Variants in RNF128 observed in about 807,000 individuals in gnomAD.
RNF128 encodes E3 ubiquitin-protein ligase RNF128.
Under a neutral mutation model 26.2 loss-of-function variants are expected in RNF128, and 13 were observed. The observed-to-expected ratio is 0.50, with a 90% CI of 0.32 to 0.79. RNF128 has a LOEUF of 0.79. Among genes scored for constraint, RNF128 ranks in the 30% least tolerant of loss-of-function variants. The pLI is 0.03. For synonymous variants in RNF128, 149 were observed against 142.5 expected (o/e 1.05, Z -0.32); for missense variants, 315 against 349.7 (o/e 0.90, Z 0.79).
chrX:106,765,203 G>C (rs1196899748), intron 1 of RNF128, among the ~76,000 whole-genome samples: 1 of 111,925 alleles, frequency 8.9e-6, no homozygotes, highest in East Asian at 2.8e-4. Context: ...TGTAAAAATA[G>C]TGTCTTTTGG....
chrX:106,694,364 A>G (rs1569433176), exon 1 of RNF128: 8 of 1,206,129 alleles, frequency 6.6e-6, no homozygotes, highest in Middle Eastern at 4.6e-4. Context: ...GTGATTTACA[A>G]TGCTCCAGAG....
chrX:106,765,822 TA>T (rs1292741794), intron 1 of RNF128, among the ~76,000 whole-genome samples: 5 of 110,952 alleles, frequency 4.5e-5, no homozygotes, highest in African/African-American at 1.3e-4. Context: ...ACCCATTAAC[TA>T]ACTCGTCATT....
intron 1 of RNF128, among the ~76,000 whole-genome samples, chrX:106,710,430 C>T (rs971220301): frequency 3.6e-5 from 4 of 111,992 alleles, no homozygotes; most frequent in Non-Finnish European, 3.8e-5. Flanking sequence ...TTCAATTTGA[C>T]AAAATTAAAA....
chrX:106,781,505 G>A (rs1039531792), intron 2 of RNF128, among the ~76,000 whole-genome samples: 10 of 110,817 alleles, frequency 9.0e-5, no homozygotes, highest in Non-Finnish European at 1.3e-4. Context: ...TTAAGAGGGA[G>A]GCTTGCATCT....
chrX:106,772,523 C>A (rs1473396041), intron 1 of RNF128, among the ~76,000 whole-genome samples: 1 of 111,166 alleles, frequency 9.0e-6, no homozygotes, highest in Admixed American at 9.6e-5. Flanking sequence ...TCTGTATTCC[C>A]CAAATCTTAG....
At chrX:106,782,555 T>C (rs1257261437) in intron 2 of RNF128, among the ~76,000 whole-genome samples, 1 of 112,200 alleles carries the variant, frequency 8.9e-6, no homozygotes, top group Non-Finnish European at 1.9e-5. Context: ...CAGTACCAGC[T>C]TTATTATTTA....
At chrX:106,722,082 T>C (rs747131877), upstream of RNF128, among the ~76,000 whole-genome samples, 6 of 111,010 alleles carry the variant, frequency 5.4e-5, no homozygotes, top group Non-Finnish European at 1.1e-4. Context: ...AAGGTCCTGG[T>C]GGAGTAGTGA....
intron 1 of RNF128, among the ~76,000 whole-genome samples, chrX:106,706,620 T>C (rs1929047038): frequency 8.9e-6 from 1 of 111,831 alleles, no homozygotes; most frequent in African/African-American, 3.2e-5. Context: ...AGCTGTGTGA[T>C]CTTGGTCTAG....
At chrX:106,779,433 A>T (rs1260430260) in intron 2 of RNF128, among the ~76,000 whole-genome samples, 2 of 107,666 alleles carry the variant, frequency 1.9e-5, no homozygotes, top group African/African-American at 6.8e-5. Context: ...TTTCAAGTAA[A>T]CCATGCTGTA....
rs1346148596 is a variant in RNF128 at position 106,787,925 on chromosome X, G to T, written c.812G>T (p.Gly271Val). ...ATAACTACTTGCTTGTAGGAAATTGGCCCTGATGGAGATAGTTGTGCTGTG... is the reference window on the plus strand; with the variant it reads ...ATAACTACTTGCTTGTAGGAAATTGTCCCTGATGGAGATAGTTGTGCTGTG... The part of the protein sequence containing the change: ...RTLKQGDKEI[G>V]PDGDSCAVCI... Residue 271 changes from glycine (G) to valine (V), a missense_variant, in exon 4 of 7, where the codon GGC becomes GTC. Transcript: ENST00000255499. 8.4e-7 allele frequency: 1 copy of T among 1,185,343 alleles called. No individual in the cohort carries two copies. Among genetic ancestry groups the T allele is most frequent in the Non-Finnish European group, 1.1e-6 (1 of 880,469 alleles).
At chrX:106,766,164 C>T (rs779421689) in intron 1 of RNF128, among the ~76,000 whole-genome samples, 9 of 111,571 alleles carry the variant, frequency 8.1e-5, no homozygotes, top group Middle Eastern at 4.6e-3. Flanking sequence ...TGAATAGTGC[C>T]GAAATAAACA....
chrX:106,795,650 C>A lies in RNF128; in HGVS notation c.1224C>A (p.Asn408Lys). 3.3e-6 allele frequency: 4 copies of A among 1,201,200 alleles called. No individual in the cohort carries two copies. The highest frequency in any genetic ancestry group is 4.5e-6 in the Non-Finnish European group (4 of 889,397). The change falls in exon 7 of 7, where the codon AAC becomes AAA. Residue 408 changes from asparagine to lysine, a missense_variant. Transcript: ENST00000255499. ...VAVDVIPHVDNPTFEEDETPN... is the reference protein window; with the variant it reads ...VAVDVIPHVDKPTFEEDETPN... ...TGGATGTTATTCCTCATGTTGACAA[C>A]CCAACCTTTGAAGAAGACGAAACTC... is the stretch of plus-strand genomic sequence containing the variant.
At chrX:106,723,859 T>C (rs1190374120), upstream of RNF128, among the ~76,000 whole-genome samples, 1 of 111,170 alleles carries the variant, frequency 9.0e-6, no homozygotes, top group Non-Finnish European at 1.9e-5. Flanking sequence ...AGTCATAACA[T>C]GTATTACACT....
intron 4 of RNF128, among the ~76,000 whole-genome samples, chrX:106,788,389 A>T (rs867062754): frequency 1.3e-4 from 5 of 39,653 alleles, no homozygotes; most frequent in African/African-American, 7.5e-4. Context: ...ATTATATATA[A>T]TATATATTAT....
chrX:106,738,298 G>A (rs956659597), intron 1 of RNF128, among the ~76,000 whole-genome samples: 1 of 111,621 alleles, frequency 9.0e-6, no homozygotes, highest in Non-Finnish European at 1.9e-5. Flanking sequence ...TATAAATCAA[G>A]TGTTTGGCAG....
intron 1 of RNF128, among the ~76,000 whole-genome samples, chrX:106,716,415 G>A (rs1929217127): frequency 8.9e-6 from 1 of 111,935 alleles, no homozygotes; most frequent in Admixed American, 9.5e-5. Flanking sequence ...CAACTGAGTA[G>A]TTACCAGGGA....
Position 106,795,750 on chromosome X carries a change from A to G in RNF128, c.*37A>G, listed in dbSNP as rs375223208. The G allele has an allele frequency of 3.7e-6, 4 of 1,095,252 alleles. No individual in the cohort carries two copies. In the African/African-American group the frequency reaches 7.4e-5, roughly 20 times the overall value. The allele number at this position is 1,095,252 out of a possible 1,213,427, so 90.3% of individuals were successfully genotyped here. The stretch of plus-strand genomic sequence containing the variant: ...ATAGAAAACTTGAACCATTAGTAAT[A>G]ACAGAACTGCCAATCAGGGCCTAGT... On this transcript the variant is annotated 3_prime_UTR_variant, in exon 7 of 7. Transcript: ENST00000255499.
At chrX:106,714,489 G>A (rs1929181427) in intron 1 of RNF128, among the ~76,000 whole-genome samples, 1 of 111,146 alleles carries the variant, frequency 9.0e-6, no homozygotes, top group South Asian at 3.8e-4. Context: ...GTATCACCTC[G>A]TATAACGATA....
chrX:106,695,463 A>G (rs1330869636), intron 1 of RNF128, among the ~76,000 whole-genome samples: 3 of 111,880 alleles, frequency 2.7e-5, no homozygotes, highest in Non-Finnish European at 5.7e-5. Flanking sequence ...CTAATATTTG[A>G]AAACCAAACT....
Sources: allele counts gnomAD v4.1 joint callset (sites outside exome capture counted in the v4.1 genomes callset), GRCh38; gene constraint gnomAD v4.1.1; transcripts MANE v1.5; gene names NCBI Gene and HGNC (gene_info 2026-07-23, HGNC 2026-07-21).